The following ZBTB40 variants were observed in gnomAD, a reference collection of about 807,000 sequenced individuals.
ZBTB40 encodes the protein zinc finger and BTB domain containing 40.
A neutral mutation model predicts 117.5 loss-of-function variants in ZBTB40; 60 were observed. That is an observed-to-expected ratio of 0.51 (90% CI 0.41 to 0.63). The LOEUF (loss-of-function observed/expected upper bound fraction) is 0.63. Ranked by LOEUF, ZBTB40 falls within the 30% of genes least tolerant of loss-of-function variation. The probability of loss-of-function intolerance (pLI) is 0.00; values close to 1 mark genes in which losing one functional copy is unlikely to be tolerated. For synonymous variants in ZBTB40, 525 were observed against 577.1 expected, an observed-to-expected ratio of 0.91 and a Z score of 1.29; for missense variants, 1,287 against 1,498.5, an observed-to-expected ratio of 0.86 and a Z score of 2.33.
At chr1:22,460,632 T>C (rs1641108402) in intron 1 of ZBTB40, among the ~76,000 whole-genome samples, 1 of 152,180 alleles carries the variant, frequency 6.6e-6, no homozygotes, top group South Asian at 2.1e-4. Context: ...CATATACTTG[T>C]TAACTTCATT....
chr1:22,505,970 T>G (rs1028145251), intron 5 of ZBTB40, 79 bp from the exon 6 acceptor site: 4 of 1,479,390 alleles, frequency 2.7e-6, no homozygotes, highest in Non-Finnish European at 3.8e-6. Flanking sequence ...GATGCTATCT[T>G]GCTAGGTTTT....
chr1:22,438,401 A>G (rs182829195), intron 1 of ZBTB40, among the ~76,000 whole-genome samples: 16 of 152,250 alleles, frequency 1.1e-4, no homozygotes, highest in African/African-American at 3.9e-4. Flanking sequence ...TATATATGAC[A>G]TTTTGCTATC....
In ZBTB40 at chr1:22,522,382, A is replaced by C; in HGVS notation, c.3217A>C (p.Lys1073Gln). 6.2e-7 allele frequency: 1 copy of C among 1,614,152 alleles called. No individual in the cohort carries two copies. The highest frequency in any genetic ancestry group is 8.5e-7 in the Non-Finnish European group (1 of 1,180,012). Residue 1073 changes from lysine to glutamine, a missense_variant, in exon 16 of 18, where the codon AAG becomes CAG. Physicochemically the swap from Lys to Gln is moderately conservative, Grantham distance 53. Transcript: ENST00000375647. ...TTTCTTTATGCACTTCACAGATATG[A>C]AGTTCCATGAATGTGACCAGTGTAA... ...KHIKAEHADM[K>Q]FHECDQCKEL... is the part of the protein sequence containing the mutation.
At chr1:22,439,676 T>G (rs995722477) in intron 1 of ZBTB40, among the ~76,000 whole-genome samples, 2 of 152,248 alleles carry the variant, frequency 1.3e-5, no homozygotes, top group African/African-American at 4.8e-5. Flanking sequence ...AGCTCTTTAT[T>G]CTACTCCATT....
chr1:22,460,421 A>G (rs935335204), intron 1 of ZBTB40, among the ~76,000 whole-genome samples: 8 of 152,222 alleles, frequency 5.3e-5, no homozygotes, highest in Non-Finnish European at 1.5e-5. Context: ...ATGTCTTAAC[A>G]TTATATGACA....
intron 1 of ZBTB40, among the ~76,000 whole-genome samples, chr1:22,463,768 GT>G (rs1249356862): frequency 2.7e-4 from 41 of 152,318 alleles, no homozygotes; most frequent in African/African-American, 9.1e-4. Context: ...CTATGAATTA[GT>G]CAGAAGATAA....
rs1200367700 is a variant in ZBTB40 at position 22,511,666 on chromosome 1, T to A, written c.2003-10T>A. ...AGTTCGCAGAGCCACGAGATGTCTC[T>A]TTTATGCAGGTGTCCTTACTAAGGA... On this transcript the variant is annotated splice_polypyrimidine_tract_variant and intron_variant, in intron 10 of 17. Coordinates refer to ENST00000375647, the MANE Select transcript of ZBTB40 (RefSeq NM_014870.4). 6.2e-7 allele frequency: 1 copy of A among 1,610,960 alleles called. No individual in the cohort carries two copies. Among genetic ancestry groups the A allele is most frequent in the African/African-American group, 1.3e-5 (1 of 74,624 alleles).
Position 22,457,904 on chromosome 1 carries a change from C to T in ZBTB40, c.-70+5900C>T, listed in dbSNP as rs1641040664. Among the ~76,000 whole-genome samples the T allele has an allele frequency of 2.0e-5, 3 of 152,188 alleles. 1 individual carries two copies. Among genetic ancestry groups the T allele is most frequent in the African/African-American group, 7.2e-5 (3 of 41,440 alleles). On this transcript the variant is annotated intron_variant, in intron 1 of 17. Coordinates refer to ENST00000375647, the MANE Select transcript of ZBTB40 (RefSeq NM_014870.4). ...CTTGACTCCTTTTGCTCCTTGTCCCCATTAGCTCCAGAAGATGGTCTCCAG... is the reference window on the plus strand; with the variant it reads ...CTTGACTCCTTTTGCTCCTTGTCCCTATTAGCTCCAGAAGATGGTCTCCAG...
chr1:22,505,902 A>G lies in ZBTB40; in HGVS notation c.1168-147A>G. ...ATTGAAACAGAATAAGGAAGAAACT[A>G]TGAAAAAAAGTAATGCTAGAGACCA... On this transcript the variant is annotated intron_variant, in intron 5 of 17. Coordinates refer to ENST00000375647, the MANE Select transcript of ZBTB40 (RefSeq NM_014870.4). 5.2e-6 allele frequency: 4 copies of G among 762,676 alleles called. No individual in the cohort carries two copies. The Middle Eastern group carries it at 7.2e-4, about 137-fold the overall frequency. The allele number at this position is 762,676 out of a possible 1,614,324, so 47.2% of individuals were successfully genotyped here. A position where few individuals can be genotyped will look rare whatever the true frequency, so the allele number is the denominator to read the frequency against.
Position 22,526,392 on chromosome 1 carries a change from A to G in ZBTB40, c.3716A>G (p.Lys1239Arg), listed in dbSNP as rs1346969532. 2 of 1,614,042 alleles carry G rather than the reference A, an allele frequency of 1.2e-6. No homozygotes were observed. The highest frequency in any genetic ancestry group is 8.5e-7 in the Non-Finnish European group (1 of 1,180,006). ...GTVTLICGEAK is the reference protein window; with the variant it reads ...GTVTLICGEAR Reference sequence around the variant, plus strand: ...GTGACGCTGATCTGTGGTGAGGCCAAATGAGCAGCCTTTCATCCGGCAGAG... The same window carrying G: ...GTGACGCTGATCTGTGGTGAGGCCAGATGAGCAGCCTTTCATCCGGCAGAG... Residue 1239 changes from lysine (K) to arginine (R), a missense_variant, in exon 18 of 18, where the codon AAA becomes AGA. By Grantham distance (26) the Lys-to-Arg change is conservative (BLOSUM62 2). Around this residue, in one of 2 missense-constraint regions of ZBTB40, gnomAD observed 417 missense variants for 564.1 expected, o/e 0.74. Transcript: ENST00000375647.
chr1:22,521,658 G>A lies in ZBTB40; in HGVS notation c.3211G>A (p.Asp1071Asn). ...HKKHIKAEHA[D>N]MKFHECDQCK... ...GAAGCACATCAAAGCAGAACATGCA[G>A]GTGGAGTTTGGGTACCGCCGGCAGA... The change falls in exon 15 of 18, where the codon GAT becomes AAT. Residue 1071 changes from aspartate to asparagine, a missense_variant and splice_region_variant. Physicochemically the swap from Asp to Asn is conservative, Grantham distance 23 (BLOSUM62 1). Transcript: ENST00000375647. 1 of 1,614,232 alleles carries A rather than the reference G, an allele frequency of 6.2e-7. No homozygotes were observed. The highest frequency in any genetic ancestry group is 8.5e-7 in the Non-Finnish European group (1 of 1,180,048).
At chr1:22,459,688 A>T (rs1422696170) in intron 1 of ZBTB40, among the ~76,000 whole-genome samples, 1 of 151,824 alleles carries the variant, frequency 6.6e-6, no homozygotes, top group African/African-American at 2.4e-5. Flanking sequence ...TTGCTTGTTT[A>T]TTCTGGCATA....
intron 1 of ZBTB40, among the ~76,000 whole-genome samples, chr1:22,479,764 C>G (rs1032147940): frequency 6.6e-6 from 1 of 152,158 alleles, no homozygotes; most frequent in Non-Finnish European, 1.5e-5. Context: ...CCCTTAACCT[C>G]TTTTTCATAT....
At chr1:22,464,150 G>C (rs149053956) in intron 1 of ZBTB40, among the ~76,000 whole-genome samples, 1 of 152,326 alleles carries the variant, frequency 6.6e-6, no homozygotes, top group African/African-American at 2.4e-5. Flanking sequence ...AATGAGAAAG[G>C]TACTATTACT....
chr1:22,501,789 G>T lies in ZBTB40; in HGVS notation c.1024+105G>T. The stretch of plus-strand genomic sequence containing the variant: ...TCTTTGGTGGCTTAGTTATTAAGTG[G>T]TTTTCACATAAGTTTCACATGTAAA... On this transcript the variant is annotated intron_variant, in intron 4 of 17. Coordinates refer to ENST00000375647, the MANE Select transcript of ZBTB40 (RefSeq NM_014870.4). The T allele has an allele frequency of 2.3e-6, 3 of 1,279,134 alleles. No homozygotes were observed. In the South Asian group the frequency reaches 3.8e-5, roughly 16 times the overall value. 79.2% of individuals were successfully genotyped at this position (1,279,134 alleles called of 1,614,324 possible).
intron 1 of ZBTB40, among the ~76,000 whole-genome samples, chr1:22,436,811 T>C (rs1640676269): frequency 6.6e-6 from 1 of 152,198 alleles, no homozygotes. Flanking sequence ...ATTACATATA[T>C]AATATGTAGT....
At chr1:22,516,989 G>T (rs1368999745) in intron 12 of ZBTB40, among the ~76,000 whole-genome samples, 5 of 152,162 alleles carry the variant, frequency 3.3e-5, no homozygotes, top group South Asian at 4.1e-4. Context: ...GATGTATCTG[G>T]TTGCGGGAGT....
chr1:22,474,955 A>AAC (rs1641520392), intron 1 of ZBTB40, among the ~76,000 whole-genome samples: 3 of 151,808 alleles, frequency 2.0e-5, no homozygotes, highest in Admixed American at 2.0e-4. Context: ...AAAAAAAAAA[A>AAC]AACAGGTAAG....
At chr1:22,505,626 G>C (rs1639057633) in intron 5 of ZBTB40, among the ~76,000 whole-genome samples, 1 of 152,086 alleles carries the variant, frequency 6.6e-6, no homozygotes, top group Non-Finnish European at 1.5e-5. Context: ...CTAATATTAT[G>C]AACTTTACTG....
Sources: gnomAD v4.1 joint callset for allele counts (sites outside exome capture counted in the v4.1 genomes callset) on GRCh38, gnomAD v4.1.1 for gene constraint, gnomAD v4.1.1 regional missense constraint, MANE v1.5 for transcripts, NCBI Gene and HGNC (gene_info 2026-07-23, HGNC 2026-07-21) for gene names.